Variants in TCAF1 observed in about 807,000 individuals in gnomAD.
TCAF1 encodes TRPM8 channel associated factor 1.
TCAF1 carries 4 observed loss-of-function variants against 27.3 expected under a neutral mutation model. That is an observed-to-expected ratio of 0.15 (90% confidence interval 0.07 to 0.34). The LOEUF (loss-of-function observed/expected upper bound fraction) is 0.34. TCAF1 is among the 10% of genes least tolerant of loss of function. The pLI is 1.00. For synonymous variants in TCAF1, 105 were observed against 167.1 expected (o/e 0.63, Z 2.87); for missense variants, 257 against 425.8 (o/e 0.60, Z 3.49).
Position 143,852,576 on chromosome 7 carries a change from A to G in TCAF1, c.*1557T>C, listed in dbSNP as rs1181451505. On this transcript the variant is annotated 3_prime_UTR_variant, in exon 9 of 9. Coordinates refer to ENST00000479870, the MANE Select transcript of TCAF1 (RefSeq NM_014719.3). ...GTTCTTCTTGACAGTCTGCCTTACT[A>G]TGAAATTCTAGGTACAAAAATTTTC... 6.6e-6 allele frequency: 1 copy of G among 152,574 alleles called. No homozygotes were observed. The highest frequency in any genetic ancestry group is 1.5e-5 in the Non-Finnish European group (1 of 68,244). The allele number at this position is 152,574 out of a possible 1,614,324, so 9.5% of individuals were successfully genotyped here.
chr7:143,886,921 G>C (rs1397184374), intron 1 of TCAF1, among the ~76,000 whole-genome samples: 3 of 144,974 alleles, frequency 2.1e-5, no homozygotes, highest in Non-Finnish European at 4.5e-5. Flanking sequence ...TGCCCAGACT[G>C]GTCTTGAAGT....
At chr7:143,858,557 A>G (rs1434280116) in intron 7 of TCAF1, among the ~76,000 whole-genome samples, 1 of 151,938 alleles carries the variant, frequency 6.6e-6, no homozygotes, top group Non-Finnish European at 1.5e-5. Context: ...AACCTTTCTC[A>G]GTGCTTTCTA....
intron 6 of TCAF1, among the ~76,000 whole-genome samples, chr7:143,859,975 T>TATATATTACGTA (rs1811866475): frequency 9.7e-5 from 2 of 20,548 alleles, no homozygotes; most frequent in Non-Finnish European, 1.1e-4. Flanking sequence ...TATTATATAA[T>TATATATTACGTA]ATATATTATA....
In TCAF1 at chr7:143,859,995, T is replaced by A. The variant is rs962054756; in HGVS notation, c.2167+213A>T. 1.9e-3 allele frequency among the ~76,000 whole-genome samples: 22 copies of A among 11,694 alleles called. No individual in the cohort carries two copies. The South Asian group carries it at 0.039, about 21-fold the overall frequency. 7.7% of individuals were successfully genotyped at this position (11,694 alleles called of 152,430 possible). ...TATAATATATATTATATAATATATATTATATAATATATATATAATATATAT... is the reference window on the plus strand; with the variant it reads ...TATAATATATATTATATAATATATAATATATAATATATATATAATATATAT... On this transcript the variant is annotated intron_variant, in intron 6 of 8. Transcript: ENST00000479870.
At chr7:143,881,454 T>C (rs189255296) in intron 1 of TCAF1, among the ~76,000 whole-genome samples, 1 of 152,296 alleles carries the variant, frequency 6.6e-6, no homozygotes, top group East Asian at 1.9e-4. Context: ...CCAGTGTCTT[T>C]TCCAAGACAT....
chr7:143,882,499 A>C, intron 1 of TCAF1: 1 of 985,382 alleles, frequency 1.0e-6, no homozygotes. Context: ...GCAATGCGGC[A>C]GGGGGATGCG....
chr7:143,894,512 G>A (rs1470872368), intron 1 of TCAF1, among the ~76,000 whole-genome samples: 1 of 151,672 alleles, frequency 6.6e-6, no homozygotes, highest in African/African-American at 2.4e-5. Flanking sequence ...TTGATTAGAT[G>A]TCTATATAAA....
chr7:143,884,284 C>T (rs1046192353), intron 1 of TCAF1, among the ~76,000 whole-genome samples: 1 of 152,098 alleles, frequency 6.6e-6, no homozygotes, highest in African/African-American at 2.4e-5. Flanking sequence ...CCTTCAACTC[C>T]CTTTCTCCAA....
chr7:143,878,834 A>G (rs987964948), intron 1 of TCAF1, among the ~76,000 whole-genome samples: 1 of 152,188 alleles, frequency 6.6e-6, no homozygotes, highest in Non-Finnish European at 1.5e-5. Context: ...ATGGTTTCCA[A>G]TCACACTGCC....
Position 143,875,740 on chromosome 7 carries a change from A to C in TCAF1, c.620+249T>G, listed in dbSNP as rs542246375. 3.3e-5 allele frequency among the ~76,000 whole-genome samples: 5 copies of C among 152,314 alleles called. No homozygotes were observed. In the South Asian group the frequency reaches 1.0e-3, roughly 32 times the overall value. ...CAGCACAGTTTTGATTAAGCAAGAC[A>C]CTGGGACCATAGCCACCATTAAGTT... On this transcript the variant is annotated intron_variant, in intron 2 of 8. Coordinates refer to ENST00000479870, the MANE Select transcript of TCAF1 (RefSeq NM_014719.3).
At chr7:143,900,728 C>T (rs1042945232) in intron 1 of TCAF1, among the ~76,000 whole-genome samples, 14 of 152,080 alleles carry the variant, frequency 9.2e-5, no homozygotes, top group Non-Finnish European at 1.5e-5. Context: ...TGTTACATAG[C>T]TTATAGATAA....
Position 143,899,111 on chromosome 7 carries a change from A to G in TCAF1, c.-15+2850T>C, listed in dbSNP as rs73725422. 9.2e-3 allele frequency among the ~76,000 whole-genome samples: 1,399 copies of G among 152,304 alleles called. 26 individuals carry two copies. Among genetic ancestry groups the G allele is most frequent in the African/African-American group, 0.032 (1,310 of 41,558 alleles). On this transcript the variant is annotated intron_variant, in intron 1 of 8. Coordinates refer to ENST00000479870, the MANE Select transcript of TCAF1 (RefSeq NM_014719.3). ...GTCTCAGGTATTCTGCTATGGTAGC[A>G]CAAAACAGACTAAGACACAGAGTTG...
intron 1 of TCAF1, among the ~76,000 whole-genome samples, chr7:143,879,757 C>T (rs1812915482): frequency 6.6e-6 from 1 of 152,120 alleles, no homozygotes; most frequent in Admixed American, 6.5e-5. Flanking sequence ...AAACCCACAC[C>T]TATCCAACTT....
chr7:143,885,420 G>A (rs1009264279), intron 1 of TCAF1: 2 of 985,348 alleles, frequency 2.0e-6, no homozygotes, highest in Non-Finnish European at 2.4e-6. Context: ...GGTGGAGGCG[G>A]AGCTTGGCCG....
At chr7:143,881,420 TTC>T (rs1026641863) in intron 1 of TCAF1, among the ~76,000 whole-genome samples, 17 of 152,144 alleles carry the variant, frequency 1.1e-4, no homozygotes, top group African/African-American at 4.1e-4. Context: ...CTCATGAACC[TTC>T]TGTTTCTTTT....
At chr7:143,859,882 T>A (rs28393526) in intron 6 of TCAF1, among the ~76,000 whole-genome samples, 16,432 of 51,056 alleles carry the variant, frequency 0.32, 3,403 homozygotes, top group South Asian at 0.49. Context: ...CATATATACA[T>A]ATATATAATA....
intron 1 of TCAF1, among the ~76,000 whole-genome samples, chr7:143,891,762 G>A (rs1164829810): frequency 6.6e-6 from 1 of 152,086 alleles, no homozygotes; most frequent in Non-Finnish European, 1.5e-5. Context: ...ACCACAAGCT[G>A]AAGAAACTTT....
intron 6 of TCAF1, among the ~76,000 whole-genome samples, chr7:143,859,967 T>C (rs1346378533): frequency 2.1e-5 from 1 of 48,326 alleles, no homozygotes; most frequent in Non-Finnish European, 3.7e-5. Flanking sequence ...GGAATATATA[T>C]TATATAATAT....
intron 1 of TCAF1, among the ~76,000 whole-genome samples, chr7:143,892,261 C>T (rs1813670289): frequency 6.6e-6 from 1 of 151,646 alleles, no homozygotes; most frequent in African/African-American, 2.4e-5. Context: ...ATAAAACAGA[C>T]AATAGTACAG....
Sources: allele counts gnomAD v4.1 joint callset (sites outside exome capture counted in the v4.1 genomes callset), GRCh38; gene constraint gnomAD v4.1.1; transcripts MANE v1.5; gene names NCBI Gene and HGNC (gene_info 2026-07-23, HGNC 2026-07-21).